The following RUBCNL variants were observed in gnomAD, a reference collection of about 807,000 sequenced individuals.
RUBCNL encodes protein associated with UVRAG as autophagy enhancer.
In RUBCNL, 62 loss-of-function variants were observed where a neutral mutation model predicts 69.5. The observed-to-expected ratio is 0.89, with a 90% CI of 0.73 to 1.10. The LOEUF (loss-of-function observed/expected upper bound fraction) is 1.10. RUBCNL is among the 50% of genes least tolerant of loss of function. The pLI, the probability that RUBCNL is intolerant of heterozygous loss-of-function variation, is 0.00. For missense variants in RUBCNL, 768 were observed against 798.1 expected, an observed-to-expected ratio of 0.96 and a Z score of 0.45; for synonymous variants, 291 against 303.6, an observed-to-expected ratio of 0.96 and a Z score of 0.43.
At chr13:46,385,468 T>C (rs866259054) in intron 1 of RUBCNL, among the ~76,000 whole-genome samples, 6 of 152,182 alleles carry the variant, frequency 3.9e-5, no homozygotes, top group African/African-American at 1.4e-4. Context: ...AAATCTTCCA[T>C]ATTAGAAATT....
rs1398304465 is a variant in RUBCNL at position 46,339,170 on chromosome 13, C to T, written c.*4215G>A. Among the ~76,000 whole-genome samples, 1 of 152,134 alleles carries T rather than the reference C, an allele frequency of 6.6e-6. No individual in the cohort carries two copies. The highest frequency in any genetic ancestry group is 2.4e-5 in the African/African-American group (1 of 41,428). ...AGATATGCGAGGATGCAAAGGTTCTCGATTTCTCATGTTTGTGCTGAAGCT... is the reference window on the plus strand; with the variant it reads ...AGATATGCGAGGATGCAAAGGTTCTTGATTTCTCATGTTTGTGCTGAAGCT... On this transcript the variant is annotated 3_prime_UTR_variant, in exon 15 of 15. Transcript: ENST00000429979.
chr13:46,377,782 A>T (rs1445961202), intron 2 of RUBCNL, 108 bp downstream of exon 2: 1 of 567,948 alleles, frequency 1.8e-6, no homozygotes, highest in Admixed American at 3.7e-5. Context: ...AGGTTATAAA[A>T]TCAAAGCATT....
At chr13:46,353,319 G>A (rs1317308025) in intron 10 of RUBCNL, among the ~76,000 whole-genome samples, 1 of 152,120 alleles carries the variant, frequency 6.6e-6, no homozygotes, top group Non-Finnish European at 1.5e-5. Flanking sequence ...GGAAATTCAG[G>A]GTTAGGCACC....
chr13:46,359,580 C>T lies in RUBCNL; in HGVS notation c.1171G>A (p.Val391Ile). 4.4e-6 allele frequency: 7 copies of T among 1,592,298 alleles called. No individual in the cohort carries two copies. The highest frequency in any genetic ancestry group is 6.0e-6 in the Non-Finnish European group (7 of 1,168,278). Reference protein sequence around the residue: ...RKDFESSMNVVQEIKFKSRIR... With the variant: ...RKDFESSMNVIQEIKFKSRIR... ...CTAGACTTAAATTTAATTTCCTGTA[C>T]TACATTCATACTGGATTCAAAGTCT... The change falls in exon 9 of 15, where the codon GTA becomes ATA. Residue 391 changes from valine to isoleucine, a missense_variant. Coordinates refer to ENST00000429979, the MANE Select transcript of RUBCNL (RefSeq NM_025113.5).
intron 2 of RUBCNL, among the ~76,000 whole-genome samples, chr13:46,373,031 T>C (rs985690603): frequency 1.3e-5 from 2 of 151,950 alleles, no homozygotes; most frequent in South Asian, 2.1e-4. Flanking sequence ...TGGAGTGCAG[T>C]GGGGCCATCT....
In RUBCNL at chr13:46,350,100, G is replaced by T; in HGVS notation, c.1569+13C>A. Reference sequence around the variant, plus strand: ...CTTCCAATGAGAGGGATGGGGTTGGGGCTGCGGCTCACCTTCACTCTGTCC... The same window carrying T: ...CTTCCAATGAGAGGGATGGGGTTGGTGCTGCGGCTCACCTTCACTCTGTCC... On this transcript the variant is annotated intron_variant, in intron 11 of 14. Coordinates refer to ENST00000429979, the MANE Select transcript of RUBCNL (RefSeq NM_025113.5). The T allele has an allele frequency of 1.3e-6, 2 of 1,534,312 alleles. No individual in the cohort carries two copies. Among genetic ancestry groups the T allele is most frequent in the Non-Finnish European group, 8.8e-7 (1 of 1,131,062 alleles).
chr13:46,356,043 C>T (rs147655179), intron 10 of RUBCNL, among the ~76,000 whole-genome samples: 102 of 152,238 alleles, frequency 6.7e-4, no homozygotes, highest in African/African-American at 2.4e-3. Flanking sequence ...GGGAAGACCT[C>T]GTGACTTTGG....
At chr13:46,369,959 T>G (rs1338427851) in intron 3 of RUBCNL, among the ~76,000 whole-genome samples, 4 of 152,220 alleles carry the variant, frequency 2.6e-5, no homozygotes, top group Non-Finnish European at 4.4e-5. Context: ...TGGTATATAT[T>G]GGAGGATCTG....
Position 46,368,804 on chromosome 13 carries a change from C to T in RUBCNL, c.547G>A (p.Val183Ile), listed in dbSNP as rs753044385. 6.2e-7 allele frequency: 1 copy of T among 1,613,440 alleles called. No homozygotes were observed. Among genetic ancestry groups the T allele is most frequent in the Non-Finnish European group, 8.5e-7 (1 of 1,179,562 alleles). The stretch of plus-strand genomic sequence containing the variant: ...TTCGAAGAAATGGTTCTTCTACTGA[C>T]TTGAACAGCACCTGCCAATATAGCA... The part of the protein sequence containing the change: ...TSAADEGAVQ[V>I]SRRTISSNSF... The change falls in exon 4 of 15, where the codon GTC (valine) becomes ATC (isoleucine). Residue 183 changes from valine to isoleucine, a missense_variant. Transcript: ENST00000429979.
intron 3 of RUBCNL, among the ~76,000 whole-genome samples, chr13:46,369,737 ATT>A (rs1234673111): frequency 6.6e-6 from 1 of 152,200 alleles, no homozygotes; most frequent in East Asian, 1.9e-4. Context: ...TAAAGCAAAA[ATT>A]TCTGTGTCAA....
chr13:46,345,355 AG>A, intron 13 of RUBCNL, 91 bp downstream of exon 13: 1 of 1,431,046 alleles, frequency 7.0e-7, no homozygotes, highest in Non-Finnish European at 9.4e-7. Flanking sequence ...CACTTCCCTC[AG>A]GGTTTGTGAG....
At chr13:46,371,359 G>A (rs1028092472) in intron 3 of RUBCNL, among the ~76,000 whole-genome samples, 8 of 152,058 alleles carry the variant, frequency 5.3e-5, no homozygotes, top group East Asian at 1.9e-4. Flanking sequence ...GTAGTACTTC[G>A]CACGGATTAT....
chr13:46,367,971 T>C, intron 5 of RUBCNL, 71 bp downstream of exon 5: 1 of 1,401,968 alleles, frequency 7.1e-7, no homozygotes, highest in Non-Finnish European at 1.0e-6. Context: ...GCCCCGTGGA[T>C]AAGGGGTAAT....
intron 1 of RUBCNL, among the ~76,000 whole-genome samples, chr13:46,379,877 T>A (rs1242199842): frequency 6.6e-6 from 1 of 152,156 alleles, no homozygotes; most frequent in East Asian, 1.9e-4. Context: ...AAGATTCACA[T>A]CCCAAAGAGA....
At chr13:46,370,433 G>T (rs945893960) in intron 3 of RUBCNL, among the ~76,000 whole-genome samples, 1 of 152,164 alleles carries the variant, frequency 6.6e-6, no homozygotes, top group Non-Finnish European at 1.5e-5. Flanking sequence ...CATCTTAGTG[G>T]CCAATGGCTG....
Position 46,343,160 on chromosome 13 carries a change from G to A in RUBCNL, c.*225C>T. 1 of 683,970 alleles carries A rather than the reference G, an allele frequency of 1.5e-6. No homozygotes were observed. The highest frequency in any genetic ancestry group is 2.7e-5 in the South Asian group (1 of 37,612). 42.4% of individuals were successfully genotyped at this position (683,970 alleles called of 1,614,324 possible). A position where few individuals can be genotyped will look rare whatever the true frequency, so the allele number is the denominator to read the frequency against. On this transcript the variant is annotated 3_prime_UTR_variant, in exon 15 of 15. Coordinates refer to ENST00000429979, the MANE Select transcript of RUBCNL (RefSeq NM_025113.5). ...AAACCTCTTTAAAAAACCAATAGCA[G>A]CCAAAACAGAACATTTGTAAACAAA...
intron 1 of RUBCNL, 125 bp downstream of exon 1, chr13:46,387,008 TG>T: frequency 1.2e-6 from 1 of 843,900 alleles, no homozygotes; most frequent in Non-Finnish European, 1.4e-6. Context: ...GTGTCTCTGC[TG>T]GGCACAAACC....
Position 46,342,492 on chromosome 13 carries a change from G to T in RUBCNL, c.*893C>A, listed in dbSNP as rs987571360. ...AACATATAAGAACTATTAGAAAAAAGAAATTCATAAAGGTTTTGTGATTCA... is the reference window on the plus strand; with the variant it reads ...AACATATAAGAACTATTAGAAAAAATAAATTCATAAAGGTTTTGTGATTCA... On this transcript the variant is annotated 3_prime_UTR_variant, in exon 15 of 15. Transcript: ENST00000429979. 6.6e-6 allele frequency: 1 copy of T among 152,152 alleles called. No homozygotes were observed. Among genetic ancestry groups the T allele is most frequent in the African/African-American group, 2.4e-5 (1 of 41,440 alleles). 9.4% of individuals were successfully genotyped at this position (152,152 alleles called of 1,614,324 possible). A position where few individuals can be genotyped will look rare whatever the true frequency, so the allele number is the denominator to read the frequency against.
intron 2 of RUBCNL, among the ~76,000 whole-genome samples, chr13:46,375,816 C>T (rs73480024): frequency 0.011 from 1,692 of 152,286 alleles, 26 homozygotes; most frequent in African/African-American, 0.038. Flanking sequence ...TATACACACA[C>T]ACCCACACAG....
Sources: gnomAD v4.1 joint callset for allele counts (sites outside exome capture counted in the v4.1 genomes callset) on GRCh38, gnomAD v4.1.1 for gene constraint, MANE v1.5 for transcripts, NCBI Gene and HGNC (gene_info 2026-07-23, HGNC 2026-07-21) for gene names.